Variants in CNIH3 observed in about 807,000 individuals in gnomAD.
CNIH3 encodes cornichon family AMPA receptor auxiliary protein 3, also known as protein cornichon homolog 3.
Under a neutral mutation model 24.1 loss-of-function variants are expected in CNIH3, and 14 were observed. The ratio of observed to expected loss-of-function variants is 0.58; its 90% CI spans 0.38 to 0.91. CNIH3 has a LOEUF of 0.91. Ranked by LOEUF, CNIH3 falls within the 40% of genes least tolerant of loss-of-function variation. The probability of loss-of-function intolerance (pLI) is 0.00; values close to 1 mark genes in which losing one functional copy is unlikely to be tolerated. For missense variants in CNIH3, 178 were observed against 196.8 expected (o/e 0.90, Z 0.57); for synonymous variants, 68 against 73.8 (o/e 0.92, Z 0.40).
At chr1:224,577,475 T>C (rs765225746) in intron 4 of CNIH3, among the ~76,000 whole-genome samples, 2 of 152,130 alleles carry the variant, frequency 1.3e-5, no homozygotes, top group Non-Finnish European at 2.9e-5. Context: ...ACTGTAATTA[T>C]CAGGGAAATG....
chr1:224,581,360 G>A (rs551522165), intron 4 of CNIH3, among the ~76,000 whole-genome samples: 16 of 152,268 alleles, frequency 1.1e-4, no homozygotes, highest in African/African-American at 2.9e-4. Context: ...GGAAAAGACC[G>A]GAAATCATTG....
chr1:224,695,618 C>T (rs533473060), intron 3 of CNIH3, among the ~76,000 whole-genome samples: 1 of 152,298 alleles, frequency 6.6e-6, no homozygotes, highest in South Asian at 2.1e-4. Context: ...GTTCACAGTC[C>T]TCAACCCTTG....
At chr1:224,655,930 T>C (rs1685075027) in intron 1 of CNIH3, among the ~76,000 whole-genome samples, 1 of 152,158 alleles carries the variant, frequency 6.6e-6, no homozygotes, top group African/African-American at 2.4e-5. Flanking sequence ...GATGTGGTGA[T>C]TATGTGAGTT....
Position 224,583,287 on chromosome 1 carries a change from G to A in CNIH3, n.620+20G>A, listed in dbSNP as rs9787122. 393 of 152,480 alleles carry A rather than the reference G, an allele frequency of 2.6e-3. 6 individuals carry two copies. In the East Asian group the frequency reaches 0.072, roughly 28 times the overall value. The allele number at this position is 152,480 out of a possible 1,614,324, so 9.4% of individuals were successfully genotyped here. ...CTTGAGGTGAGTTTCAAAGGACTAG[G>A]GGTGTGTATTAGGGAGCAATTGGTG... On this transcript the variant is annotated intron_variant and non_coding_transcript_variant, in intron 5 of 5. Coordinates refer to the CNIH3 transcript ENST00000471578.
chr1:224,633,200 C>T (rs1041452029), intron 1 of CNIH3, among the ~76,000 whole-genome samples: 11 of 152,066 alleles, frequency 7.2e-5, no homozygotes, highest in African/African-American at 2.7e-4. Context: ...GCTCTGTCCA[C>T]CAGGCTGGAA....
At chr1:224,638,402 C>A (rs956654199) in intron 1 of CNIH3, among the ~76,000 whole-genome samples, 4 of 152,200 alleles carry the variant, frequency 2.6e-5, no homozygotes, top group African/African-American at 9.7e-5. Flanking sequence ...ACCCCCGAGT[C>A]CCTCCCACCA....
At chr1:224,611,972 G>A (rs530146593), upstream of CNIH3, among the ~76,000 whole-genome samples, 30 of 152,316 alleles carry the variant, frequency 2.0e-4, no homozygotes, top group African/African-American at 5.8e-4. Flanking sequence ...AACCTTTGCC[G>A]AGATATTGTT....
At chr1:224,553,137 C>T (rs1247329138) in intron 3 of CNIH3, among the ~76,000 whole-genome samples, 1 of 149,658 alleles carries the variant, frequency 6.7e-6, no homozygotes, top group Non-Finnish European at 1.5e-5. Context: ...AGGGTGTACA[C>T]TCCCTGTGAT....
intron 3 of CNIH3, among the ~76,000 whole-genome samples, chr1:224,556,914 C>T (rs1024351519): frequency 1.3e-5 from 2 of 152,188 alleles, no homozygotes; most frequent in African/African-American, 4.8e-5. Context: ...TTTGCTGTTT[C>T]ACTTTCTCAG....
chr1:224,604,608 C>T lies in CNIH3; in HGVS notation n.402+38344C>T, dbSNP rs565558243. ...AGGCTGGAGCCAGGGATGGGGCTCC[C>T]AGACTGTTTAGCTAGAGGAGAGCAG... On this transcript the variant is annotated intron_variant and non_coding_transcript_variant, in intron 3 of 7. Coordinates refer to the CNIH3 transcript ENST00000478120. This position sits in a 1 kb window ranked among gnomAD's most constrained non-coding sequence, Gnocchi z 4.4. Among the ~76,000 whole-genome samples the T allele has an allele frequency of 1.3e-5, 2 of 152,144 alleles. No homozygotes were observed. The highest frequency in any genetic ancestry group is 2.9e-5 in the Non-Finnish European group (2 of 68,028).
At position 224,463,775 on chromosome 1, in the gene CNIH3, T is replaced by A. The variant is rs1676036561; in HGVS notation, n.203+28913T>A. Among the ~76,000 whole-genome samples the A allele has an allele frequency of 1.8e-3, 25 of 14,018 alleles. 1 individual carries two copies. Among genetic ancestry groups the A allele is most frequent in the African/African-American group, 3.0e-3 (17 of 5,722 alleles). The allele number at this position is 14,018 out of a possible 152,430, so 9.2% of individuals were successfully genotyped here. On this transcript the variant is annotated intron_variant and non_coding_transcript_variant, in intron 1 of 5. Coordinates refer to the CNIH3 transcript ENST00000471578. ...CTCCCAGCTTATGAATTGTCCTCATTTTTTTTTTTTTTTTTTTTTTTTTTT... is the reference window on the plus strand; with the variant it reads ...CTCCCAGCTTATGAATTGTCCTCATATTTTTTTTTTTTTTTTTTTTTTTTT...
rs11342205 is a variant in CNIH3, at chr1:224,739,295, CTTTTTTTTTTTTT to C, written c.456-21_456-9del. 179 of 1,342,518 alleles carry C rather than the reference CTTTTTTTTTTTTT, an allele frequency of 1.3e-4. No individual in the cohort carries two copies. In the African/African-American group the frequency reaches 3.2e-3, roughly 24 times the overall value. The allele number at this position is 1,342,518 out of a possible 1,614,324, so 83.2% of individuals were successfully genotyped here. The stretch of plus-strand genomic sequence containing the variant: ...TGGGCTTCTACTAACACCTTCCTCT[CTTTTTTTTTTTTT>C]TTTTTTTTTTTTGCATTCAGCATGA... On this transcript the variant is annotated intron_variant, in intron 5 of 5. Transcript: ENST00000272133.
rs945271683 is a variant in CNIH3 at position 224,684,927 on chromosome 1, C to T, written c.198+84C>T. Reference sequence around the variant, plus strand: ...AGTGAAAGAGGCTAGTGAGGCTCTGCCTGCTCCAGTCCTGTCCACCAGGGA... The same window carrying T: ...AGTGAAAGAGGCTAGTGAGGCTCTGTCTGCTCCAGTCCTGTCCACCAGGGA... On this transcript the variant is annotated intron_variant, in intron 3 of 5. Coordinates refer to ENST00000272133, the MANE Select transcript of CNIH3 (RefSeq NM_152495.2). The surrounding 1 kb of genome is among the most constrained non-coding windows in gnomAD (Gnocchi z 4.2). The T allele has an allele frequency of 1.1e-5, 14 of 1,283,048 alleles. No homozygotes were observed. Among genetic ancestry groups the T allele is most frequent in the East Asian group, 2.3e-5 (1 of 43,310 alleles). 79.5% of individuals were successfully genotyped at this position (1,283,048 alleles called of 1,614,324 possible).
intron 3 of CNIH3, among the ~76,000 whole-genome samples, chr1:224,719,694 A>T (rs770306488): frequency 1.4e-4 from 21 of 152,154 alleles, no homozygotes; most frequent in Non-Finnish European, 1.0e-4. Context: ...AACTGAGCCT[A>T]TTGAGGTTAA....
At chr1:224,662,223 T>A (rs565349884) in intron 1 of CNIH3, among the ~76,000 whole-genome samples, 1 of 152,228 alleles carries the variant, frequency 6.6e-6, no homozygotes, top group Admixed American at 6.5e-5. Context: ...AGTTCACTTA[T>A]AGCAATTATA....
intron 3 of CNIH3, among the ~76,000 whole-genome samples, chr1:224,552,114 G>A (rs1254772227): frequency 1.3e-5 from 2 of 151,396 alleles, no homozygotes; most frequent in South Asian, 2.1e-4. Flanking sequence ...GGTATTAGAA[G>A]TCATATATCT....
intron 1 of CNIH3, among the ~76,000 whole-genome samples, chr1:224,672,247 C>T (rs548889657): frequency 4.6e-5 from 7 of 152,186 alleles, no homozygotes; most frequent in Non-Finnish European, 8.8e-5. Context: ...AAGCCTGCTT[C>T]CCTGGGGAGG....
At chr1:224,569,311 A>G (rs934222479) in intron 4 of CNIH3, among the ~76,000 whole-genome samples, 5 of 152,176 alleles carry the variant, frequency 3.3e-5, no homozygotes, top group Non-Finnish European at 7.3e-5. Context: ...TTACTCAGAC[A>G]TTTGATCTTG....
chr1:224,712,138 T>C (rs1343828436), intron 3 of CNIH3, among the ~76,000 whole-genome samples: 2 of 152,234 alleles, frequency 1.3e-5, no homozygotes, highest in African/African-American at 4.8e-5. Flanking sequence ...GTCCACTCAC[T>C]TTCACGACAT....
Sources: allele counts gnomAD v4.1 joint callset (sites outside exome capture counted in the v4.1 genomes callset), GRCh38; gene constraint gnomAD v4.1.1; non-coding constraint Gnocchi (gnomAD v3.1); transcripts MANE v1.5; gene names NCBI Gene and HGNC (gene_info 2026-07-23, HGNC 2026-07-21).